The following CADPS variants were observed in gnomAD, a reference collection of about 807,000 sequenced individuals.
The protein encoded by CADPS is calcium dependent secretion activator.
CADPS carries 57 observed loss-of-function variants against 167.3 expected under a neutral mutation model. That is an observed-to-expected ratio of 0.34 (90% CI 0.28 to 0.42). CADPS has a LOEUF of 0.42. Among genes scored for constraint, CADPS ranks in the 20% least tolerant of loss-of-function variants. The pLI, the probability that CADPS is intolerant of heterozygous loss-of-function variation, is 1.00. For synonymous variants in CADPS, 676 were observed against 635.3 expected (o/e 1.06, Z -0.96); for missense variants, 1,414 against 1,738.1 (o/e 0.81, Z 3.32).
chr3:62,557,539 G>A (rs762641264), intron 9 of CADPS, 26 bp from the exon 10 acceptor site: 3 of 1,555,486 alleles, frequency 1.9e-6, no homozygotes, highest in East Asian at 4.5e-5. Flanking sequence ...AGATTGTGAG[G>A]TTGACCCCTG....
chr3:62,765,150 G>T (rs900567205), intron 2 of CADPS, among the ~76,000 whole-genome samples: 2 of 152,140 alleles, frequency 1.3e-5, no homozygotes, highest in African/African-American at 4.8e-5. Context: ...CAATAGGAAG[G>T]TATGGCATGT....
At chr3:62,761,114 T>G (rs1317849675) in intron 2 of CADPS, among the ~76,000 whole-genome samples, 1 of 152,170 alleles carries the variant, frequency 6.6e-6, no homozygotes, top group Non-Finnish European at 1.5e-5. Flanking sequence ...ACTATCTGGC[T>G]TCCTGAAGTT....
chr3:62,728,201 A>G (rs1044324708), intron 3 of CADPS, among the ~76,000 whole-genome samples: 2 of 151,814 alleles, frequency 1.3e-5, no homozygotes, highest in Admixed American at 1.3e-4. Flanking sequence ...CACCAATCTA[A>G]TAAATGACAG....
At chr3:62,844,506 A>G (rs535909051) in intron 1 of CADPS, among the ~76,000 whole-genome samples, 6 of 152,234 alleles carry the variant, frequency 3.9e-5, no homozygotes, top group Admixed American at 3.3e-4. Flanking sequence ...TGAGGAGCAA[A>G]CCACCACTCC....
intron 1 of CADPS, among the ~76,000 whole-genome samples, chr3:62,840,407 A>G (rs2076474596): frequency 6.6e-6 from 1 of 152,236 alleles, no homozygotes; most frequent in African/African-American, 2.4e-5. Flanking sequence ...GAAGACAGTT[A>G]TAGCTCTGAA....
chr3:62,529,394 C>T (rs980470318), intron 13 of CADPS, among the ~76,000 whole-genome samples: 6 of 152,168 alleles, frequency 3.9e-5, no homozygotes, highest in Non-Finnish European at 8.8e-5. Flanking sequence ...GTTCTCTGCT[C>T]CACTTGGATG....
intron 6 of CADPS, among the ~76,000 whole-genome samples, chr3:62,636,628 G>T (rs751116989): frequency 6.6e-6 from 1 of 152,174 alleles, no homozygotes; most frequent in African/African-American, 2.4e-5. Flanking sequence ...CAGCACAGGG[G>T]CGTTGCTGGA....
At chr3:62,854,284 T>G (rs1007473183) in intron 1 of CADPS, among the ~76,000 whole-genome samples, 6 of 152,242 alleles carry the variant, frequency 3.9e-5, no homozygotes, top group Non-Finnish European at 2.9e-5. Context: ...TAACTTTCTC[T>G]CTATGCATTC....
At chr3:62,502,444 T>C (rs1291071742) in intron 17 of CADPS, among the ~76,000 whole-genome samples, 1 of 152,152 alleles carries the variant, frequency 6.6e-6, no homozygotes, top group East Asian at 1.9e-4. Flanking sequence ...ACAATAGAAT[T>C]GAAGCTCATA....
At chr3:62,503,699 G>C (rs2066148256) in intron 17 of CADPS, among the ~76,000 whole-genome samples, 2 of 152,124 alleles carry the variant, frequency 1.3e-5, no homozygotes, top group African/African-American at 4.8e-5. Context: ...ATAAAAACTT[G>C]CCAGCTTATC....
chr3:62,463,286 T>C (rs2059586464), intron 26 of CADPS, among the ~76,000 whole-genome samples: 1 of 152,148 alleles, frequency 6.6e-6, no homozygotes, highest in African/African-American at 2.4e-5. Context: ...TGGATTGAAT[T>C]CTGCTCAGTA....
intron 1 of CADPS, among the ~76,000 whole-genome samples, chr3:62,777,518 G>A (rs962249622): frequency 1.3e-5 from 2 of 152,066 alleles, no homozygotes; most frequent in African/African-American, 4.8e-5. Flanking sequence ...AAACACAAGT[G>A]CACACCCTAA....
intron 9 of CADPS, among the ~76,000 whole-genome samples, chr3:62,570,238 T>TAAAAAAAAAAAAAAAAA (rs34173907): frequency 6.9e-6 from 1 of 143,938 alleles, no homozygotes; most frequent in Non-Finnish European, 1.5e-5. Flanking sequence ...TTGTTTCAGT[T>TAAAAAAAAAAAAAAAAA]AAAAAAAAAA....
intron 23 of CADPS, 83 bp from the exon 24 acceptor site, chr3:62,474,403 A>G (rs964555769): frequency 6.1e-6 from 8 of 1,305,872 alleles, no homozygotes; most frequent in South Asian, 1.2e-5. Flanking sequence ...GGTCAGTGAA[A>G]AAGAAAATTG....
rs149120721 is a variant in CADPS, at chr3:62,601,161, G to T, written c.1326-8413C>A. ...TTATGTATGGCTCATAAGCTAATAA[G>T]GGCTTTGTATTTTCAAATGGCTGAA... On this transcript the variant is annotated intron_variant, in intron 6 of 29. Coordinates refer to ENST00000383710, the MANE Select transcript of CADPS (RefSeq NM_003716.4). This position sits in a 1 kb window ranked among gnomAD's most constrained non-coding sequence, Gnocchi z 4.3. Among the ~76,000 whole-genome samples the T allele has an allele frequency of 4.8e-3, 731 of 152,252 alleles. 9 individuals carry two copies. The highest frequency in any genetic ancestry group is 0.017 in the African/African-American group (698 of 41,540).
intron 6 of CADPS, among the ~76,000 whole-genome samples, chr3:62,627,222 A>T (rs2064259550): frequency 6.6e-6 from 1 of 152,110 alleles, no homozygotes; most frequent in Admixed American, 6.6e-5. Flanking sequence ...GAAATTATGC[A>T]AACCTCCACC....
At chr3:62,557,957 C>A (rs1275391301) in intron 9 of CADPS, among the ~76,000 whole-genome samples, 1 of 152,226 alleles carries the variant, frequency 6.6e-6, no homozygotes, top group African/African-American at 2.4e-5. Flanking sequence ...GACTGCCATG[C>A]TCGCAGATAC....
intron 1 of CADPS, among the ~76,000 whole-genome samples, chr3:62,808,156 A>AG (rs1316130207): frequency 5.3e-5 from 8 of 152,164 alleles, no homozygotes; most frequent in African/African-American, 1.9e-4. Flanking sequence ...TACAGGTATG[A>AG]GCCACTGCAC....
At chr3:62,710,250 T>C (rs1290697354) in intron 3 of CADPS, among the ~76,000 whole-genome samples, 5 of 151,656 alleles carry the variant, frequency 3.3e-5, no homozygotes, top group African/African-American at 1.2e-4. Context: ...TGGTTCTCAA[T>C]CCTGGATGCA....
Sources: allele counts gnomAD v4.1 joint callset (sites outside exome capture counted in the v4.1 genomes callset), GRCh38; gene constraint gnomAD v4.1.1; non-coding constraint Gnocchi (gnomAD v3.1); transcripts MANE v1.5; gene names NCBI Gene and HGNC (gene_info 2026-07-23, HGNC 2026-07-21).